Variants in FOXP1 observed in about 807,000 individuals in gnomAD.
FOXP1 encodes the protein forkhead box protein P1.
In FOXP1, 15 loss-of-function variants were observed where a neutral mutation model predicts 98.2. The observed-to-expected ratio is 0.15, with a 90% CI of 0.10 to 0.24. FOXP1 has a LOEUF of 0.24. Ranked by LOEUF, FOXP1 falls within the 10% of genes least tolerant of loss-of-function variation. The pLI is 1.00. For missense variants in FOXP1, 633 were observed against 848.5 expected, an observed-to-expected ratio of 0.75 and a Z score of 3.15; for synonymous variants, 371 against 314.5, an observed-to-expected ratio of 1.18 and a Z score of -1.90.
At chr3:71,235,734 T>C (rs979334639) in intron 5 of FOXP1, among the ~76,000 whole-genome samples, 2 of 152,080 alleles carry the variant, frequency 1.3e-5, no homozygotes, top group African/African-American at 2.4e-5. Flanking sequence ...GCCCGGCTAA[T>C]TTTTTGCATT....
intron 3 of FOXP1, among the ~76,000 whole-genome samples, chr3:71,387,906 T>C (rs973815456): frequency 1.3e-5 from 2 of 152,186 alleles, no homozygotes; most frequent in Non-Finnish European, 2.9e-5. Context: ...TTGGTTATAG[T>C]CAGAGGCTTA....
chr3:70,986,400 T>C (rs2039741967), intron 14 of FOXP1, among the ~76,000 whole-genome samples: 1 of 152,320 alleles, frequency 6.6e-6, no homozygotes, highest in South Asian at 2.1e-4. Flanking sequence ...CATTATCCTA[T>C]CACTGTTTTT....
chr3:71,048,362 A>C (rs1442047628), intron 9 of FOXP1, among the ~76,000 whole-genome samples: 1 of 152,186 alleles, frequency 6.6e-6, no homozygotes, highest in Non-Finnish European at 1.5e-5. Context: ...GTATATCAAG[A>C]CCTTCTGATG....
intron 7 of FOXP1, among the ~76,000 whole-genome samples, chr3:71,068,747 A>G (rs988186882): frequency 2.0e-5 from 3 of 152,224 alleles, no homozygotes; most frequent in Admixed American, 1.3e-4. Flanking sequence ...ACTGATTCCA[A>G]TTCCGGAGAG....
intron 5 of FOXP1, among the ~76,000 whole-genome samples, chr3:71,202,467 T>C (rs768746319): frequency 9.9e-5 from 15 of 152,232 alleles, no homozygotes; most frequent in Non-Finnish European, 2.1e-4. Flanking sequence ...AGTCATTTAA[T>C]AAGCCTTTAT....
At chr3:71,168,532 A>G (rs1374935691) in intron 6 of FOXP1, among the ~76,000 whole-genome samples, 1 of 152,248 alleles carries the variant, frequency 6.6e-6, no homozygotes, top group African/African-American at 2.4e-5. Flanking sequence ...ACTGTTTTCC[A>G]TACCACTCAG....
At chr3:71,136,237 G>A (rs1256207192) in intron 6 of FOXP1, among the ~76,000 whole-genome samples, 2 of 152,166 alleles carry the variant, frequency 1.3e-5, no homozygotes, top group Non-Finnish European at 2.9e-5. Flanking sequence ...TATTATTCAA[G>A]AAATGAACAA....
chr3:71,056,045 G>C (rs1026400768), intron 7 of FOXP1, among the ~76,000 whole-genome samples: 5 of 152,178 alleles, frequency 3.3e-5, no homozygotes, highest in Non-Finnish European at 7.3e-5. Flanking sequence ...AAGGGGCACA[G>C]GTGAACTTTT....
chr3:71,495,837 C>T (rs1034370995), intron 2 of FOXP1, among the ~76,000 whole-genome samples: 1 of 152,168 alleles, frequency 6.6e-6, no homozygotes, highest in Admixed American at 6.5e-5. Flanking sequence ...CACTACCTGA[C>T]CATGCTGGTA....
At chr3:70,962,788 G>A (rs2033857178) in intron 20 of FOXP1, among the ~76,000 whole-genome samples, 1 of 152,142 alleles carries the variant, frequency 6.6e-6, no homozygotes. Flanking sequence ...TGGGGAGGGG[G>A]AAGGAGGATG....
At chr3:71,432,733 C>A (rs989950070) in intron 3 of FOXP1, among the ~76,000 whole-genome samples, 1 of 151,550 alleles carries the variant, frequency 6.6e-6, no homozygotes, top group Admixed American at 6.6e-5. Context: ...TCCAAAGAAG[C>A]AGAACTCAGC....
chr3:71,291,133 G>A (rs1171421263), intron 5 of FOXP1, among the ~76,000 whole-genome samples: 3 of 152,014 alleles, frequency 2.0e-5, no homozygotes, highest in Non-Finnish European at 1.5e-5. Context: ...ATCACGCTTC[G>A]CTGGTTGTCC....
chr3:71,024,678 T>G (rs570727364), intron 11 of FOXP1, among the ~76,000 whole-genome samples: 1 of 152,218 alleles, frequency 6.6e-6, no homozygotes, highest in African/African-American at 2.4e-5. Context: ...ACGATATTCA[T>G]GAGTAAAACT....
intron 7 of FOXP1, among the ~76,000 whole-genome samples, chr3:71,080,383 T>C (rs2054282620): frequency 6.6e-6 from 1 of 152,138 alleles, no homozygotes; most frequent in African/African-American, 2.4e-5. Flanking sequence ...ACTGTTCCCA[T>C]ACATAAAGAT....
Position 70,957,525 on chromosome 3 carries a change from GA to G in FOXP1, c.*1721del. ...TTGTGTAATATCTTTGGTAATTTTAGAAAAAAGGTACAAAGAAAGAATATAA... is the reference window on the plus strand; with the variant it reads ...TTGTGTAATATCTTTGGTAATTTTAGAAAAAGGTACAAAGAAAGAATATAA... On this transcript the variant is annotated 3_prime_UTR_variant, in exon 21 of 21. Coordinates refer to ENST00000649528, the MANE Select transcript of FOXP1 (RefSeq NM_001349338.3). The G allele has an allele frequency of 4.3e-6, 1 of 230,894 alleles. No individual in the cohort carries two copies. The highest frequency in any genetic ancestry group is 6.2e-5 in the East Asian group (1 of 16,118). The allele number at this position is 230,894 out of a possible 1,614,324, so 14.3% of individuals were successfully genotyped here.
At chr3:71,546,214 G>C (rs1336057095) in intron 2 of FOXP1, among the ~76,000 whole-genome samples, 1 of 152,170 alleles carries the variant, frequency 6.6e-6, no homozygotes, top group Non-Finnish European at 1.5e-5. Context: ...CCAGGTAAGA[G>C]AGTGAAGGTA....
At chr3:71,570,802 T>C (rs996856469) in intron 2 of FOXP1, 5 of 152,154 alleles carry the variant, frequency 3.3e-5, no homozygotes, top group South Asian at 2.1e-4. Flanking sequence ...TTTGACCCAA[T>C]TGGCCTGCCT....
chr3:71,437,486 C>A (rs188499845), intron 3 of FOXP1, among the ~76,000 whole-genome samples: 5 of 152,278 alleles, frequency 3.3e-5, no homozygotes, highest in Admixed American at 2.0e-4. Flanking sequence ...AAGAAGCCAA[C>A]AGCCATTCTC....
chr3:71,395,240 G>C (rs2081301169), intron 3 of FOXP1, among the ~76,000 whole-genome samples: 1 of 151,216 alleles, frequency 6.6e-6, no homozygotes, highest in Admixed American at 6.6e-5. Flanking sequence ...TTCCCTTTTA[G>C]CATTAAAGTA....
Sources: gnomAD v4.1 joint callset for allele counts (sites outside exome capture counted in the v4.1 genomes callset) on GRCh38, gnomAD v4.1.1 for gene constraint, MANE v1.5 for transcripts, NCBI Gene and HGNC (gene_info 2026-07-23, HGNC 2026-07-21) for gene names.